CAMK1D: variants seen among roughly 807,000 people sequenced by gnomAD.
CAMK1D encodes the protein calcium/calmodulin dependent protein kinase ID.
In CAMK1D, 9 loss-of-function variants were observed where a neutral mutation model predicts 47.7. The ratio of observed to expected loss-of-function variants is 0.19; its 90% CI spans 0.11 to 0.33. The LOEUF is 0.33. Among genes scored for constraint, CAMK1D ranks in the 10% least tolerant of loss-of-function variants. The pLI is 1.00. For missense variants in CAMK1D, 291 were observed against 488.7 expected (o/e 0.60, Z 3.81); for synonymous variants, 184 against 184.9 (o/e 0.99, Z 0.04).
intron 5 of CAMK1D, among the ~76,000 whole-genome samples, chr10:12,776,442 G>A (rs368395457): frequency 6.6e-6 from 1 of 152,108 alleles, no homozygotes; most frequent in Non-Finnish European, 1.5e-5. Context: ...GTCGATTCTC[G>A]CTGTTCGTAG....
At chr10:12,801,351 ATCTT>A (rs1374594842) in intron 6 of CAMK1D, among the ~76,000 whole-genome samples, 22 of 98,280 alleles carry the variant, frequency 2.2e-4, no homozygotes, top group African/African-American at 8.7e-4. Flanking sequence ...CTATCTATCT[ATCTT>A]ATCTATCTAT....
At chr10:12,494,430 A>G (rs1197652437) in intron 1 of CAMK1D, among the ~76,000 whole-genome samples, 1 of 152,214 alleles carries the variant, frequency 6.6e-6, no homozygotes, top group East Asian at 1.9e-4. Context: ...ACACACACAC[A>G]CATATATACT....
intron 2 of CAMK1D, among the ~76,000 whole-genome samples, chr10:12,664,739 G>A (rs1045842649): frequency 5.3e-5 from 8 of 152,212 alleles, no homozygotes; most frequent in African/African-American, 1.7e-4. Flanking sequence ...TACTTGGGAC[G>A]TACTTAAACT....
intron 1 of CAMK1D, among the ~76,000 whole-genome samples, chr10:12,381,592 C>T (rs917767557): frequency 6.6e-6 from 1 of 152,184 alleles, no homozygotes; most frequent in African/African-American, 2.4e-5. Context: ...TCCCAAAGTG[C>T]TGGGATTACA....
intron 1 of CAMK1D, among the ~76,000 whole-genome samples, chr10:12,413,460 C>T (rs148466440): frequency 4.7e-5 from 1 of 21,106 alleles, no homozygotes; most frequent in Non-Finnish European, 1.0e-4. Flanking sequence ...AGGCCCTGTT[C>T]TCTTCTCTGG....
intron 8 of CAMK1D, among the ~76,000 whole-genome samples, chr10:12,819,877 G>C (rs1432616576): frequency 1.3e-5 from 2 of 152,184 alleles, no homozygotes; most frequent in African/African-American, 4.8e-5. Context: ...AGGACTGTGA[G>C]TGACTGTCAG....
intron 3 of CAMK1D, among the ~76,000 whole-genome samples, chr10:12,730,216 A>T (rs1206736907): frequency 6.6e-6 from 1 of 152,108 alleles, no homozygotes. Context: ...ATGGGGTAGG[A>T]TTCTGGATGT....
intron 1 of CAMK1D, among the ~76,000 whole-genome samples, chr10:12,357,611 C>T (rs1033052760): frequency 6.6e-6 from 1 of 152,118 alleles, no homozygotes; most frequent in African/African-American, 2.4e-5. Flanking sequence ...CCACTGCACT[C>T]GGCCATTATG....
chr10:12,640,153 C>G (rs1839627259), intron 2 of CAMK1D, among the ~76,000 whole-genome samples: 1 of 152,148 alleles, frequency 6.6e-6, no homozygotes, highest in African/African-American at 2.4e-5. Flanking sequence ...TCTTAGAAAA[C>G]TCTTCATTTG....
intron 1 of CAMK1D, among the ~76,000 whole-genome samples, chr10:12,485,480 G>A (rs543760407): frequency 1.3e-5 from 2 of 152,136 alleles, no homozygotes; most frequent in Admixed American, 6.5e-5. Flanking sequence ...TGTGTCTGCT[G>A]CCACCTGCCT....
intron 1 of CAMK1D, among the ~76,000 whole-genome samples, chr10:12,352,889 G>A (rs552780777): frequency 7.9e-5 from 12 of 151,674 alleles, no homozygotes; most frequent in Non-Finnish European, 1.2e-4. Context: ...GACGCCCGCC[G>A]CCATGCCTGG....
chr10:12,591,388 G>A (rs1310095587), intron 2 of CAMK1D, among the ~76,000 whole-genome samples: 1 of 152,154 alleles, frequency 6.6e-6, no homozygotes, highest in Non-Finnish European at 1.5e-5. Flanking sequence ...CCGATCACCC[G>A]GATGGGCTGC....
intron 6 of CAMK1D, among the ~76,000 whole-genome samples, chr10:12,809,446 G>GTA (rs1166220302): frequency 6.6e-6 from 1 of 152,212 alleles, no homozygotes; most frequent in Non-Finnish European, 1.5e-5. Flanking sequence ...ACACTCCCAT[G>GTA]TTCATAGCAG....
intron 2 of CAMK1D, among the ~76,000 whole-genome samples, chr10:12,565,771 C>T (rs193257786): frequency 9.9e-5 from 15 of 152,204 alleles, no homozygotes; most frequent in Admixed American, 2.0e-4. Flanking sequence ...GGCCACATAA[C>T]TGGTAATATG....
At chr10:12,747,832 C>T (rs1336527056) in intron 3 of CAMK1D, among the ~76,000 whole-genome samples, 1 of 152,156 alleles carries the variant, frequency 6.6e-6, no homozygotes, top group Non-Finnish European at 1.5e-5. Context: ...AGCTTTAAAG[C>T]AGTCAAGCAG....
chr10:12,505,292 G>C (rs140643201), intron 1 of CAMK1D, among the ~76,000 whole-genome samples: 1 of 152,192 alleles, frequency 6.6e-6, no homozygotes, highest in Non-Finnish European at 1.5e-5. Flanking sequence ...CTTGTTTGTA[G>C]GTAGAGGAGC....
At chr10:12,526,053 C>T (rs779917975) in intron 1 of CAMK1D, among the ~76,000 whole-genome samples, 17 of 152,328 alleles carry the variant, frequency 1.1e-4, no homozygotes, top group Admixed American at 2.0e-4. Context: ...CCGCCGCACC[C>T]GGCCCTATGT....
At chr10:12,439,536 C>A (rs996625319) in intron 1 of CAMK1D, among the ~76,000 whole-genome samples, 6 of 152,180 alleles carry the variant, frequency 3.9e-5, no homozygotes, top group Non-Finnish European at 8.8e-5. Context: ...CTCCTCCCTG[C>A]TGTAGGTAGT....
intron 1 of CAMK1D, among the ~76,000 whole-genome samples, chr10:12,456,969 T>C (rs1260009594): frequency 2.6e-5 from 4 of 152,242 alleles, no homozygotes; most frequent in African/African-American, 9.6e-5. Context: ...ACAATTATCA[T>C]TGAAGCTTTG....
Sources: allele counts gnomAD v4.1 joint callset (sites outside exome capture counted in the v4.1 genomes callset), GRCh38; gene constraint gnomAD v4.1.1; transcripts MANE v1.5; gene names NCBI Gene and HGNC (gene_info 2026-07-23, HGNC 2026-07-21).